Variants in VPS13D observed in about 807,000 individuals in gnomAD.
VPS13D encodes intermembrane lipid transfer protein VPS13D.
Under a neutral mutation model 461.9 loss-of-function variants are expected in VPS13D, and 187 were observed. That is an observed-to-expected ratio of 0.40 (90% CI 0.36 to 0.46). VPS13D has a LOEUF of 0.46. VPS13D is among the 20% of genes least tolerant of loss of function. The probability of loss-of-function intolerance (pLI) is 0.60; values close to 1 mark genes in which losing one functional copy is unlikely to be tolerated. For synonymous variants in VPS13D, 1,951 were observed against 1,986.3 expected (o/e 0.98, Z 0.47); for missense variants, 4,711 against 5,364.9 (o/e 0.88, Z 3.81).
chr1:12,366,336 GT>G (rs1644034223), intron 52 of VPS13D, among the ~76,000 whole-genome samples: 1 of 152,188 alleles, frequency 6.6e-6, no homozygotes, highest in Non-Finnish European at 1.5e-5. Context: ...TTTAGGCTAT[GT>G]TTTTAGGAGC....
chr1:12,358,548 G>A lies in VPS13D; in HGVS notation c.10088G>A (p.Arg3363Gln), dbSNP rs1393711684. ...GFSLDGGSGVRALKVIQQGNR... is the reference protein window; with the variant it reads ...GFSLDGGSGVQALKVIQQGNR... Reference sequence around the variant, plus strand: ...TCCCTGGATGGTGGTAGTGGTGTCCGAGCTTTGAAAGTCATCCAGCAAGGA... The same window carrying A: ...TCCCTGGATGGTGGTAGTGGTGTCCAAGCTTTGAAAGTCATCCAGCAAGGA... Residue 3363 changes from arginine to glutamine, a missense_variant, in exon 50 of 70, where the codon CGA (arginine) becomes CAA (glutamine). This residue lies in a region of VPS13D where 4,411 missense variants were observed against 4,937.8 expected (regional missense o/e 0.89). Transcript: ENST00000620676. The A allele has an allele frequency of 2.5e-6, 4 of 1,614,012 alleles. No homozygotes were observed. The highest frequency in any genetic ancestry group is 3.4e-6 in the Non-Finnish European group (4 of 1,180,020).
chr1:12,332,680 T>G (rs532647543), intron 37 of VPS13D, among the ~76,000 whole-genome samples: 3 of 152,178 alleles, frequency 2.0e-5, no homozygotes, highest in Non-Finnish European at 4.4e-5. Flanking sequence ...CTTGGGAACT[T>G]GTAATTTTCT....
Position 12,276,771 on chromosome 1 carries a change from A to C in VPS13D, c.3183A>C (p.Arg1061=), listed in dbSNP as rs1341560472. 1 of 1,614,200 alleles carries C rather than the reference A, an allele frequency of 6.2e-7. No individual in the cohort carries two copies. Among genetic ancestry groups the C allele is most frequent in the Admixed American group, 1.7e-5 (1 of 60,022 alleles). ...CTGATGGAGCTACACTGAACGACCG[A>C]TCAGCTACTAGTGTTTCACTTGACA... ...HLTDGATLND[R]SATSVSLDKI... is the part of the protein sequence containing the mutation. Residue 1061 remains arginine, a synonymous_variant, in exon 19 of 70, where the codon CGA becomes CGC. Coordinates refer to ENST00000620676, the MANE Select transcript of VPS13D (RefSeq NM_015378.4). This position sits in a 1 kb window ranked among gnomAD's most constrained non-coding sequence, Gnocchi z 4.5.
chr1:12,441,920 A>G lies in VPS13D; in HGVS notation c.12334-14078A>G, dbSNP rs139586995. Among the ~76,000 whole-genome samples, 361 of 152,240 alleles carry G rather than the reference A, an allele frequency of 2.4e-3. 2 individuals carry two copies. Among genetic ancestry groups the G allele is most frequent in the African/African-American group, 8.2e-3 (342 of 41,550 alleles). ...TTTTCTTGCTTCCCAGGCAATGCATAGTCCTTATACCACTTTATCTCCATT... is the reference window on the plus strand; with the variant it reads ...TTTTCTTGCTTCCCAGGCAATGCATGGTCCTTATACCACTTTATCTCCATT... On this transcript the variant is annotated intron_variant, in intron 65 of 69. Coordinates refer to ENST00000620676, the MANE Select transcript of VPS13D (RefSeq NM_015378.4).
chr1:12,368,669 GTACAA>G, intron 53 of VPS13D, 78 bp downstream of exon 53: 1 of 1,447,104 alleles, frequency 6.9e-7, no homozygotes, highest in Non-Finnish European at 9.2e-7. Context: ...TGACACAATG[GTACAA>G]TACATTTTCA....
At chr1:12,385,570 A>C (rs1374694616) in intron 59 of VPS13D, among the ~76,000 whole-genome samples, 197 bp downstream of exon 59, 1 of 149,168 alleles carries the variant, frequency 6.7e-6, no homozygotes, top group African/African-American at 2.6e-5. Context: ...TGGAATCAGC[A>C]TGTAGTAAGC....
chr1:12,351,345 C>T (rs1643788654), intron 46 of VPS13D, among the ~76,000 whole-genome samples: 1 of 152,148 alleles, frequency 6.6e-6, no homozygotes, highest in Non-Finnish European at 1.5e-5. Context: ...GGCTGGAGTG[C>T]AAGAGTGCAG....
intron 17 of VPS13D, 145 bp downstream of exon 17, chr1:12,271,269 G>A: frequency 9.6e-7 from 1 of 1,044,044 alleles, no homozygotes; most frequent in East Asian, 2.5e-5. Flanking sequence ...TTATCAGCTA[G>A]CATAGAATAG....
intron 38 of VPS13D, among the ~76,000 whole-genome samples, chr1:12,334,219 T>G (rs1643397255): frequency 6.6e-6 from 1 of 152,224 alleles, no homozygotes; most frequent in Non-Finnish European, 1.5e-5. Flanking sequence ...CCACTGTTTA[T>G]ATGATCAGAT....
At chr1:12,265,309 G>C (rs1641234332) in intron 13 of VPS13D, among the ~76,000 whole-genome samples, 1 of 152,036 alleles carries the variant, frequency 6.6e-6, no homozygotes, top group African/African-American at 2.4e-5. Context: ...TTAATTAATT[G>C]CTTAATTTAT....
In VPS13D at chr1:12,302,727, TC is replaced by T. The variant is rs551732092; in HGVS notation, c.6217-1778del. On this transcript the variant is annotated intron_variant, in intron 25 of 69. Coordinates refer to ENST00000620676, the MANE Select transcript of VPS13D (RefSeq NM_015378.4). The stretch of plus-strand genomic sequence containing the variant: ...AAATTAAAACCAACCCTTTAAAATA[TC>T]TCATTACTTGAGAAAGCCTGCTTAT... Among the ~76,000 whole-genome samples, 543 of 152,226 alleles carry T rather than the reference TC, an allele frequency of 3.6e-3. 4 individuals carry two copies. Among genetic ancestry groups the T allele is most frequent in the Non-Finnish European group, 4.4e-3 (297 of 68,008 alleles).
intron 22 of VPS13D, 71 bp downstream of exon 22, chr1:12,288,384 T>A: frequency 3.0e-6 from 4 of 1,354,898 alleles, no homozygotes; most frequent in Non-Finnish European, 3.2e-6. Context: ...TGATCACAAA[T>A]TGATTGTCCT....
At chr1:12,288,367 A>G in intron 22 of VPS13D, 54 bp downstream of exon 22, 1 of 1,476,798 alleles carries the variant, frequency 6.8e-7, no homozygotes, top group Non-Finnish European at 9.5e-7. Flanking sequence ...TCAGCATTTG[A>G]ACATTGTGAT....
Position 12,277,864 on chromosome 1 carries a change from A to G in VPS13D, c.4276A>G (p.Ile1426Val). 1 of 1,614,178 alleles carries G rather than the reference A, an allele frequency of 6.2e-7. No individual in the cohort carries two copies. The highest frequency in any genetic ancestry group is 8.5e-7 in the Non-Finnish European group (1 of 1,180,022). The part of the protein sequence containing the change: ...ESRSDRLQVE[I>V]KDIKLYSLNC... ...CAGAAGTGACCGTCTGCAGGTGGAA[A>G]TCAAGGACATTAAACTGTATTCTTT... Residue 1426 changes from isoleucine to valine, a missense_variant, in exon 19 of 70, where the codon ATC (isoleucine) becomes GTC (valine). Around this residue, in one of 3 missense-constraint regions of VPS13D, gnomAD observed 4,411 missense variants for 4,937.8 expected, o/e 0.89. Coordinates refer to ENST00000620676, the MANE Select transcript of VPS13D (RefSeq NM_015378.4).
At chr1:12,469,076 T>TTA (rs1645530818) in intron 67 of VPS13D, among the ~76,000 whole-genome samples, 1 of 151,990 alleles carries the variant, frequency 6.6e-6, no homozygotes, top group Non-Finnish European at 1.5e-5. Flanking sequence ...TATATTGGGC[T>TTA]TATATAATTC....
chr1:12,505,864 C>T lies in VPS13D; in HGVS notation c.12795-989C>T, dbSNP rs1646098644. ...GTGAGCGAGGGCCCGGCAGCCTGCTCCCCTCGACAGGCAGGCCACCTCCTG... is the reference window on the plus strand; with the variant it reads ...GTGAGCGAGGGCCCGGCAGCCTGCTTCCCTCGACAGGCAGGCCACCTCCTG... On this transcript the variant is annotated intron_variant, in intron 68 of 69. Coordinates refer to ENST00000620676, the MANE Select transcript of VPS13D (RefSeq NM_015378.4). The surrounding 1 kb of genome is among the most constrained non-coding windows in gnomAD (Gnocchi z 4.2). Among the ~76,000 whole-genome samples the T allele has an allele frequency of 6.6e-6, 1 of 152,204 alleles. No individual in the cohort carries two copies. Among genetic ancestry groups the T allele is most frequent in the South Asian group, 2.1e-4 (1 of 4,830 alleles).
chr1:12,445,400 T>G (rs191825703), intron 65 of VPS13D, among the ~76,000 whole-genome samples: 1 of 152,348 alleles, frequency 6.6e-6, no homozygotes, highest in Admixed American at 6.5e-5. Context: ...TTAAGTGGAT[T>G]CTGTTCTCTT....
At chr1:12,272,803 CCT>C (rs1275838364) in intron 17 of VPS13D, among the ~76,000 whole-genome samples, 198 bp from the exon 18 acceptor site, 1 of 151,846 alleles carries the variant, frequency 6.6e-6, no homozygotes, top group Non-Finnish European at 1.5e-5. Flanking sequence ...TTTTTTCTCC[CCT>C]GTTCAGATAC....
chr1:12,361,343 T>C (rs1643943246), intron 50 of VPS13D, among the ~76,000 whole-genome samples: 1 of 151,598 alleles, frequency 6.6e-6, no homozygotes, highest in African/African-American at 2.4e-5. Context: ...AGTGAATAAA[T>C]TCATCCCACT....
Sources: allele counts gnomAD v4.1 joint callset (sites outside exome capture counted in the v4.1 genomes callset), GRCh38; gene constraint gnomAD v4.1.1; regional missense constraint gnomAD v4.1.1; non-coding constraint Gnocchi (gnomAD v3.1); transcripts MANE v1.5; gene names NCBI Gene and HGNC (gene_info 2026-07-23, HGNC 2026-07-21).